The following SLC19A1 variants were observed in gnomAD, a reference collection of about 807,000 sequenced individuals.
The protein encoded by SLC19A1 is reduced folate transporter.
SLC19A1 carries 37 observed loss-of-function variants against 35.3 expected under a neutral mutation model. The ratio of observed to expected loss-of-function variants is 1.05; its 90% CI spans 0.81 to 1.38. The LOEUF (loss-of-function observed/expected upper bound fraction) is 1.38, where lower values mean the gene tolerates loss of function less well. Ranked by LOEUF, SLC19A1 falls within the 40% of genes most tolerant of loss-of-function variation. The pLI is 0.00. For missense variants in SLC19A1, 831 were observed against 826.9 expected, an observed-to-expected ratio of 1.00 and a Z score of -0.06; for synonymous variants, 460 against 398.5, an observed-to-expected ratio of 1.15 and a Z score of -1.84.
intron 5 of SLC19A1, among the ~76,000 whole-genome samples, chr21:45,523,911 C>T (rs555883246): frequency 1.3e-5 from 2 of 152,336 alleles, no homozygotes; most frequent in Admixed American, 1.3e-4. Flanking sequence ...TGGACTGCTG[C>T]CAGCACCCCG....
chr21:45,528,110 A>C (rs2039277), intron 4 of SLC19A1, among the ~76,000 whole-genome samples: 79 of 150,466 alleles, frequency 5.3e-4, no homozygotes, highest in Non-Finnish European at 9.6e-4. Context: ...GCAGGCAGGC[A>C]GGCCGGCAGC....
intron 1 of SLC19A1, among the ~76,000 whole-genome samples, chr21:45,559,994 G>T (rs191736922): frequency 6.6e-6 from 1 of 152,282 alleles, no homozygotes; most frequent in East Asian, 1.9e-4. Context: ...ACCAGCAGGG[G>T]CCAAAACGTC....
At chr21:45,556,446 T>C (rs2078563150) in intron 1 of SLC19A1, among the ~76,000 whole-genome samples, 1 of 152,258 alleles carries the variant, frequency 6.6e-6, no homozygotes, top group Admixed American at 6.5e-5. Context: ...TGTTTGGTGC[T>C]TCCAACTTTT....
chr21:45,518,210 A>G (rs923020989), intron 5 of SLC19A1, among the ~76,000 whole-genome samples: 4 of 152,236 alleles, frequency 2.6e-5, no homozygotes, highest in Admixed American at 2.6e-4. Context: ...ATGTACAATA[A>G]TCAGAATTTA....
At chr21:45,546,349 G>A (rs2078415610), upstream of SLC19A1, among the ~76,000 whole-genome samples, 1 of 152,248 alleles carries the variant, frequency 6.6e-6, no homozygotes, top group African/African-American at 2.4e-5. Flanking sequence ...GCCTGTCACA[G>A]CCCCACAGCA....
Position 45,533,124 on chromosome 21 carries a change from G to C in SLC19A1, c.190-976C>G, listed in dbSNP as rs2077989874. Among the ~76,000 whole-genome samples, 1 of 152,174 alleles carries C rather than the reference G, an allele frequency of 6.6e-6. No homozygotes were observed. The highest frequency in any genetic ancestry group is 2.4e-5 in the African/African-American group (1 of 41,450). On this transcript the variant is annotated intron_variant, in intron 2 of 5. Transcript: ENST00000311124. The surrounding 1 kb of genome is among the most constrained non-coding windows in gnomAD (Gnocchi z 4.5). ...TAGCCGCCCTGCACCCTCCCAGGAG[G>C]GGGAGCACAGGCTGTCAGCCTGCCC... is the stretch of plus-strand genomic sequence containing the variant.
chr21:45,560,206 C>T (rs900320572), intron 1 of SLC19A1, among the ~76,000 whole-genome samples: 1 of 152,180 alleles, frequency 6.6e-6, no homozygotes, highest in African/African-American at 2.4e-5. Context: ...AAAGTCCTCT[C>T]CAGGATCCAC....
rs1042969801 is a variant in SLC19A1 at position 45,512,576 on chromosome 21, A to T, written c.*3082T>A. ...AGGAAGCCAAAGAGTGTATTTTTTT[A>T]AAAGTTTAAAACAGAAGCCTGATGC... is the stretch of plus-strand genomic sequence containing the variant. On this transcript the variant is annotated 3_prime_UTR_variant, in exon 6 of 6. Transcript: ENST00000311124. 3.3e-5 allele frequency: 22 copies of T among 659,866 alleles called. No homozygotes were observed. Among genetic ancestry groups the T allele is most frequent in the East Asian group, 2.2e-4 (8 of 36,734 alleles). 40.9% of individuals were successfully genotyped at this position (659,866 alleles called of 1,614,324 possible).
downstream of SLC19A1, chr21:45,509,211 A>AGGGCAGCCCCAGAGTCGGGG: frequency 2.7e-6 from 3 of 1,125,730 alleles, no homozygotes; most frequent in Non-Finnish European, 3.7e-6. Context: ...CTACACCCCC[A>AGGGCAGCCCCAGAGTCGGGG]GGGCAGCCCC....
chr21:45,525,730 T>C, intron 5 of SLC19A1, 87 bp downstream of exon 5: 1 of 1,481,218 alleles, frequency 6.8e-7, no homozygotes, highest in East Asian at 2.3e-5. Flanking sequence ...CACAGTGGGC[T>C]CCACATCAGG....
chr21:45,522,626 T>C (rs1191172689), intron 5 of SLC19A1, among the ~76,000 whole-genome samples: 3 of 152,182 alleles, frequency 2.0e-5, no homozygotes. Flanking sequence ...GTGCTGTACC[T>C]ACACCCTGGA....
chr21:45,506,186 C>T, intron 3 of SLC19A1: 1 of 622,002 alleles, frequency 1.6e-6, no homozygotes, highest in South Asian at 1.8e-5. Flanking sequence ...AGTGGATGAA[C>T]ACATGGCGTG....
At chr21:45,511,088 C>CAT (rs771690476), downstream of SLC19A1, 52 of 1,045,956 alleles carry the variant, frequency 5.0e-5, 2 homozygotes, top group African/African-American at 1.5e-3. Context: ...ACCACACACA[C>CAT]ATACACACGG....
chr21:45,542,344 C>G (rs1198672958), intron 1 of SLC19A1, 24 bp downstream of exon 1: 1 of 151,796 alleles, frequency 6.6e-6, no homozygotes, highest in East Asian at 1.9e-4. Flanking sequence ...CACGCGGCCC[C>G]GTGGCCCCGT....
chr21:45,514,352 C>T lies in SLC19A1; in HGVS notation c.*1306G>A, dbSNP rs2037776866. ...GTCTGACTGGCACCATCCACTGACT[C>T]GGGCCATCTTCCACGTGCAGCCTCT... is the stretch of plus-strand genomic sequence containing the variant. On this transcript the variant is annotated 3_prime_UTR_variant, in exon 6 of 6. Transcript: ENST00000311124. 1 of 152,334 alleles carries T rather than the reference C, an allele frequency of 6.6e-6. No individual in the cohort carries two copies. Among genetic ancestry groups the T allele is most frequent in the Non-Finnish European group, 1.5e-5 (1 of 68,168 alleles). 9.4% of individuals were successfully genotyped at this position (152,334 alleles called of 1,614,324 possible).
In SLC19A1 at chr21:45,540,023, C is replaced by T. The variant is rs140374570; in HGVS notation, c.-49-2015G>A. Among the ~76,000 whole-genome samples, 1,133 of 152,180 alleles carry T rather than the reference C, an allele frequency of 7.4e-3. 4 individuals are homozygous for T. The highest frequency in any genetic ancestry group is 0.01 in the Non-Finnish European group (710 of 67,990). ...GCGCAGGCAGGGGCCACTGCCAGGC[C>T]GAGGCAGATCTGACGGTCGCCTGCC... On this transcript the variant is annotated intron_variant, in intron 1 of 5. Coordinates refer to ENST00000311124, the MANE Select transcript of SLC19A1 (RefSeq NM_194255.4). The surrounding 1 kb of genome is among the most constrained non-coding windows in gnomAD (Gnocchi z 5.5).
At chr21:45,558,546 A>G (rs1018316988) in intron 1 of SLC19A1, among the ~76,000 whole-genome samples, 3 of 152,182 alleles carry the variant, frequency 2.0e-5, no homozygotes, top group Admixed American at 2.0e-4. Flanking sequence ...TCTTCTTCGT[A>G]TGTGGCCAGT....
chr21:45,559,837 C>G (rs1325232294), intron 1 of SLC19A1, among the ~76,000 whole-genome samples: 1 of 152,196 alleles, frequency 6.6e-6, no homozygotes, highest in Non-Finnish European at 1.5e-5. Flanking sequence ...AAAATGGCCC[C>G]CAGTGTGACA....
chr21:45,541,433 G>A lies in SLC19A1; in HGVS notation c.-50+935C>T, dbSNP rs577772783. Among the ~76,000 whole-genome samples, 352 of 152,372 alleles carry A rather than the reference G, an allele frequency of 2.3e-3. 3 individuals carry two copies. Among genetic ancestry groups the A allele is most frequent in the African/African-American group, 8.2e-3 (343 of 41,582 alleles). ...CCTCTTTACAGGGCGGCCAACAGGC[G>A]CCTCCAAGGACTTTATCCCACCTTC... On this transcript the variant is annotated intron_variant, in intron 1 of 5. Transcript: ENST00000311124.
Sources: gnomAD v4.1 joint callset for allele counts (sites outside exome capture counted in the v4.1 genomes callset) on GRCh38, gnomAD v4.1.1 for gene constraint, Gnocchi (gnomAD v3.1) non-coding constraint, MANE v1.5 for transcripts, NCBI Gene and HGNC (gene_info 2026-07-23, HGNC 2026-07-21) for gene names.